SORBS2: variants seen among roughly 807,000 people sequenced by gnomAD.
The protein encoded by SORBS2 is sorbin and SH3 domain containing 2.
Under a neutral mutation model 97.7 loss-of-function variants are expected in SORBS2, and 46 were observed. The observed-to-expected ratio is 0.47, with a 90% CI of 0.37 to 0.60. The LOEUF (loss-of-function observed/expected upper bound fraction) is 0.60. Among genes scored for constraint, SORBS2 ranks in the 20% least tolerant of loss-of-function variants. The probability of loss-of-function intolerance (pLI) is 0.00; values close to 1 mark genes in which losing one functional copy is unlikely to be tolerated. For missense variants in SORBS2, 1,316 were observed against 1,282.3 expected, an observed-to-expected ratio of 1.03 and a Z score of -0.40; for synonymous variants, 476 against 473.4, an observed-to-expected ratio of 1.01 and a Z score of -0.07.
At chr4:185,822,276 A>C (rs1320351309) in intron 1 of SORBS2, among the ~76,000 whole-genome samples, 1 of 152,138 alleles carries the variant, frequency 6.6e-6, no homozygotes, top group East Asian at 1.9e-4. Context: ...TACCAGGAAA[A>C]GTGGAGGAAA....
chr4:185,854,179 G>C (rs947711573), intron 1 of SORBS2, among the ~76,000 whole-genome samples: 7 of 152,190 alleles, frequency 4.6e-5, no homozygotes, highest in Non-Finnish European at 7.4e-5. Context: ...TGATGGGTCA[G>C]CAAGGGGGTG....
Position 185,589,671 on chromosome 4 carries a change from G to T in SORBS2, c.2953+8C>A, listed in dbSNP as rs752008170. On this transcript the variant is annotated splice_region_variant and intron_variant, in intron 14 of 14. Transcript: ENST00000418609. ...AGCCGAAGGTGCCTGAGGAAGAAGC[G>T]CACATACCCACAAACCAGCCGTCAT... is the stretch of plus-strand genomic sequence containing the variant. The T allele has an allele frequency of 5.8e-5, 90 of 1,544,760 alleles. No individual in the cohort carries two copies. The Admixed American group carries it at 1.4e-3, about 24-fold the overall frequency.
intron 14 of SORBS2, among the ~76,000 whole-genome samples, chr4:185,589,002 G>T (rs2095858692): frequency 6.6e-6 from 1 of 152,062 alleles, no homozygotes; most frequent in Non-Finnish European, 1.5e-5. Context: ...ACCGATGGAT[G>T]TCTAGAGTGA....
chr4:185,661,811 C>T (rs1254606384), upstream of SORBS2, among the ~76,000 whole-genome samples: 1 of 152,202 alleles, frequency 6.6e-6, no homozygotes, highest in Non-Finnish European at 1.5e-5. Context: ...CATTCATGTC[C>T]TCCAGTGGCA....
intron 2 of SORBS2, among the ~76,000 whole-genome samples, chr4:185,760,595 A>G (rs2098875900): frequency 6.6e-6 from 1 of 152,144 alleles, no homozygotes; most frequent in African/African-American, 2.4e-5. Context: ...GCATCTGTAT[A>G]GGCATCCTAT....
chr4:185,787,572 AG>A (rs1486705188), intron 1 of SORBS2, among the ~76,000 whole-genome samples: 4 of 152,144 alleles, frequency 2.6e-5, no homozygotes, highest in African/African-American at 9.7e-5. Context: ...ATGATTTCTG[AG>A]AGCTCTGTCT....
chr4:185,766,050 T>C (rs143287724), intron 2 of SORBS2, among the ~76,000 whole-genome samples: 1 of 152,378 alleles, frequency 6.6e-6, no homozygotes, highest in East Asian at 1.9e-4. Context: ...CTAAGAGATG[T>C]CACTCTGTAA....
intron 4 of SORBS2, among the ~76,000 whole-genome samples, chr4:185,637,671 C>T (rs2097041752): frequency 6.6e-6 from 1 of 152,058 alleles, no homozygotes; most frequent in Non-Finnish European, 1.5e-5. Flanking sequence ...AGACAGAAGC[C>T]CGCACTCTCC....
intron 12 of SORBS2, among the ~76,000 whole-genome samples, chr4:185,595,800 T>C (rs989534174): frequency 6.6e-6 from 1 of 151,940 alleles, no homozygotes; most frequent in African/African-American, 2.4e-5. Context: ...AGCAATGCTA[T>C]ACACATTTTT....
intron 2 of SORBS2, among the ~76,000 whole-genome samples, chr4:185,705,449 G>C (rs1023976777): frequency 7.9e-5 from 12 of 152,068 alleles, no homozygotes; most frequent in African/African-American, 2.4e-4. Flanking sequence ...GGGAGGCTGA[G>C]GCAGGAGAAT....
rs1424977017 is a variant in SORBS2, at chr4:185,811,718, G to A, written c.-337-36352C>T. The A allele has an allele frequency of 1.3e-5, 2 of 152,250 alleles. No homozygotes were observed. Among genetic ancestry groups the A allele is most frequent in the Admixed American group, 6.5e-5 (1 of 15,272 alleles). 9.4% of individuals were successfully genotyped at this position (152,250 alleles called of 1,614,324 possible). On this transcript the variant is annotated intron_variant, in intron 1 of 20. The change creates a new upstream start codon in the 5' untranslated region. Coordinates refer to the SORBS2 transcript ENST00000284776. ...GCCCCTTCTCCGCCTCGGCCTCAGC[G>A]TGCAGACATATGCCCTGGGAGCCCA...
Position 185,779,577 on chromosome 4 carries a change from A to G in SORBS2, c.-337-4211T>C, listed in dbSNP as rs2099017250. ...TTGTTTTACATTTTTTTCCCAAGAC[A>G]GCACAGAATTCTCAATTGATTCCTC... On this transcript the variant is annotated intron_variant, in intron 1 of 20. Coordinates refer to the SORBS2 transcript ENST00000284776. Among the ~76,000 whole-genome samples the G allele has an allele frequency of 2.0e-5, 3 of 152,346 alleles. No individual in the cohort carries two copies. The South Asian group carries it at 6.2e-4, about 32-fold the overall frequency.
In SORBS2 at chr4:185,623,607, C is replaced by G. The variant is rs1253212672; in HGVS notation, c.1522G>C (p.Val508Leu). 3 of 1,613,992 alleles carry G rather than the reference C, an allele frequency of 1.9e-6. No homozygotes were observed. The highest frequency in any genetic ancestry group is 2.5e-6 in the Non-Finnish European group (3 of 1,180,034). The change falls in exon 7 of 15, where the codon GTG (valine) becomes CTG (leucine). Residue 508 changes from valine to leucine, a missense_variant. Coordinates refer to ENST00000418609, the Ensembl canonical transcript of SORBS2. The surrounding 1 kb of genome is among the most constrained non-coding windows in gnomAD (Gnocchi z 6.4). ...TGAATGTAGTCACTGTGGTCGGACA[C>G]AACCCCGTCCTGGTCGCTGTCGGAA...
At chr4:185,645,332 T>A in intron 4 of SORBS2, among the ~76,000 whole-genome samples, 1 of 152,206 alleles carries the variant, frequency 6.6e-6, no homozygotes, top group South Asian at 2.1e-4. Flanking sequence ...CAGAGTAGCA[T>A]GATACTCAAT....
At position 185,806,639 on chromosome 4, in the gene SORBS2, T is replaced by C. The variant is rs1327661358; in HGVS notation, c.-337-31273A>G. ...CGCCCGGCTAATTTTTTGTATTTTT[T>C]AGTAGAGACGGGGTTTCACCGTTTT... is the stretch of plus-strand genomic sequence containing the variant. On this transcript the variant is annotated intron_variant, in intron 1 of 20. Transcript: ENST00000284776. Among the ~76,000 whole-genome samples the C allele has an allele frequency of 9.2e-5, 14 of 151,660 alleles. No homozygotes were observed. The South Asian group carries it at 1.3e-3, about 14-fold the overall frequency.
intron 4 of SORBS2, among the ~76,000 whole-genome samples, chr4:185,676,155 A>C (rs961148625): frequency 6.6e-6 from 1 of 152,230 alleles, no homozygotes; most frequent in Non-Finnish European, 1.5e-5. Flanking sequence ...AGCCTAGTCT[A>C]TGGTAATTCC....
intron 1 of SORBS2, among the ~76,000 whole-genome samples, chr4:185,935,501 T>C (rs2099268496): frequency 2.0e-5 from 3 of 152,174 alleles, no homozygotes; most frequent in South Asian, 2.1e-4. Context: ...CCAGCACTAT[T>C]CCAAGTGCTA....
intron 2 of SORBS2, among the ~76,000 whole-genome samples, chr4:185,731,862 CTCTCTATATATATATATATATATATATA>C (rs1347413243): frequency 6.5e-4 from 20 of 30,580 alleles, no homozygotes; most frequent in Non-Finnish European, 9.6e-4. Flanking sequence ...CTCTCTCTCT[CTCTCTATATATATATATATATATATATA>C]TATATATATA....
chr4:185,726,823 A>G (rs2098557276), intron 2 of SORBS2, among the ~76,000 whole-genome samples: 1 of 152,192 alleles, frequency 6.6e-6, no homozygotes, highest in African/African-American at 2.4e-5. Context: ...GACATAAACC[A>G]GGGATTTCAG....
Sources: allele counts gnomAD v4.1 joint callset (sites outside exome capture counted in the v4.1 genomes callset), GRCh38; gene constraint gnomAD v4.1.1; non-coding constraint Gnocchi (gnomAD v3.1); transcripts MANE v1.5; gene names NCBI Gene and HGNC (gene_info 2026-07-23, HGNC 2026-07-21).